DIAPH2: variants seen among roughly 807,000 people sequenced by gnomAD.
DIAPH2 encodes the protein diaphanous related formin 2.
Under a neutral mutation model 92.7 loss-of-function variants are expected in DIAPH2, and 35 were observed. That is an observed-to-expected ratio of 0.38 (90% CI 0.29 to 0.50). The LOEUF is 0.50. DIAPH2 is among the 20% of genes least tolerant of loss of function. DIAPH2 has a pLI of 0.94. For synonymous variants in DIAPH2, 301 were observed against 280.4 expected, an observed-to-expected ratio of 1.07 and a Z score of -0.73; for missense variants, 701 against 819.5, an observed-to-expected ratio of 0.86 and a Z score of 1.77.
intron 25 of DIAPH2, among the ~76,000 whole-genome samples, chrX:97,410,143 G>A (rs970129876): frequency 2.6e-4 from 29 of 111,811 alleles, no homozygotes; most frequent in Admixed American, 4.7e-4. Flanking sequence ...TCATACAGGC[G>A]AGTGACCCTC....
chrX:97,132,454 A>G (rs2067144173), intron 21 of DIAPH2, among the ~76,000 whole-genome samples: 1 of 112,043 alleles, frequency 8.9e-6, no homozygotes, highest in Non-Finnish European at 1.9e-5. Context: ...GGTAATTGCA[A>G]TCTTTAAAAA....
intron 26 of DIAPH2, among the ~76,000 whole-genome samples, chrX:97,525,306 A>G (rs145329493): frequency 7.5e-4 from 84 of 111,977 alleles, no homozygotes; most frequent in African/African-American, 2.7e-3. Flanking sequence ...GCATTCTTTT[A>G]TAATTTTGCC....
At chrX:97,222,500 G>C (rs755661066) in intron 22 of DIAPH2, among the ~76,000 whole-genome samples, 1 of 111,502 alleles carries the variant, frequency 9.0e-6, no homozygotes, top group African/African-American at 3.3e-5. Flanking sequence ...CACCATGCCT[G>C]GCCCAAGTCT....
In DIAPH2 at chrX:96,789,839, C is replaced by A. The variant is rs747761984; in HGVS notation, c.447+31581C>A. Among the ~76,000 whole-genome samples the A allele has an allele frequency of 3.6e-5, 4 of 111,155 alleles. No individual in the cohort carries two copies. In the East Asian group the frequency reaches 1.1e-3, roughly 32 times the overall value. On this transcript the variant is annotated intron_variant, in intron 4 of 26. Coordinates refer to ENST00000324765, the MANE Select transcript of DIAPH2 (RefSeq NM_006729.5). ...TGCAAATACAGTATCTAGGCATATT[C>A]TCTGTTGATTCCTGGTTTCAGGTAG...
At chrX:96,993,765 G>A (rs1455051719) in intron 17 of DIAPH2, among the ~76,000 whole-genome samples, 29 of 111,807 alleles carry the variant, frequency 2.6e-4, no homozygotes, top group Non-Finnish European at 3.8e-5. Flanking sequence ...GAGGCATGGA[G>A]GAATAATATT....
chrX:97,312,460 C>G (rs1328016127), intron 23 of DIAPH2, among the ~76,000 whole-genome samples: 2 of 99,266 alleles, frequency 2.0e-5, no homozygotes, highest in Non-Finnish European at 4.0e-5. Context: ...AGAGATTCTC[C>G]TGCCTCAGCC....
At chrX:97,419,736 A>G (rs2069987822) in intron 25 of DIAPH2, among the ~76,000 whole-genome samples, 2 of 112,024 alleles carry the variant, frequency 1.8e-5, no homozygotes, top group Non-Finnish European at 3.8e-5. Flanking sequence ...TGCCTGCCAT[A>G]TAGTCAGCAT....
intron 1 of DIAPH2, among the ~76,000 whole-genome samples, chrX:96,717,532 T>C (rs1259918282): frequency 1.0e-5 from 1 of 95,884 alleles, no homozygotes; most frequent in Non-Finnish European, 2.1e-5. Flanking sequence ...TTATACCAGG[T>C]GATTTTTTTT....
intron 12 of DIAPH2, among the ~76,000 whole-genome samples, chrX:96,940,560 A>G (rs1447579721): frequency 8.9e-6 from 1 of 112,055 alleles, no homozygotes; most frequent in Non-Finnish European, 1.9e-5. Context: ...AAGGAAAGCT[A>G]CCATGAGGTC....
chrX:96,965,181 C>T lies in DIAPH2; in HGVS notation c.2024C>T (p.Ala675Val). ...FENPDLFAKL[A>V]LNFATQIKVQ... ...AATCCAGATCTCTTTGCCAAATTGGCATTGAATTTTGCTACTCAGATAAAA... is the reference window on the plus strand; with the variant it reads ...AATCCAGATCTCTTTGCCAAATTGGTATTGAATTTTGCTACTCAGATAAAA... The change falls in exon 17 of 27, where the codon GCA (alanine) becomes GTA (valine). Residue 675 changes from alanine to valine, a missense_variant. Ala to Val is a moderately conservative substitution (Grantham distance 64). Coordinates refer to ENST00000324765, the MANE Select transcript of DIAPH2 (RefSeq NM_006729.5). 8.4e-7 allele frequency: 1 copy of T among 1,191,674 alleles called. No individual in the cohort carries two copies. Among genetic ancestry groups the T allele is most frequent in the Non-Finnish European group, 1.1e-6 (1 of 884,812 alleles).
intron 26 of DIAPH2, among the ~76,000 whole-genome samples, chrX:97,493,575 T>A (rs1246344471): frequency 1.8e-5 from 2 of 111,326 alleles, no homozygotes; most frequent in Non-Finnish European, 3.8e-5. Flanking sequence ...TATTTTTTTT[T>A]AAATAATTTC....
chrX:97,269,529 A>C (rs1338791182), intron 23 of DIAPH2, among the ~76,000 whole-genome samples: 1 of 111,866 alleles, frequency 8.9e-6, no homozygotes. Flanking sequence ...AAATCATTTA[A>C]TCCTGTTCAT....
intron 4 of DIAPH2, among the ~76,000 whole-genome samples, chrX:96,810,650 A>G (rs2064671028): frequency 9.0e-6 from 1 of 111,404 alleles, no homozygotes; most frequent in South Asian, 3.8e-4. Context: ...TTATGGTTTT[A>G]GGTCTAACGT....
At chrX:97,569,807 A>G (rs1013774333) in intron 26 of DIAPH2, among the ~76,000 whole-genome samples, 5 of 108,088 alleles carry the variant, frequency 4.6e-5, no homozygotes, top group Non-Finnish European at 7.7e-5. Flanking sequence ...TAATTATATT[A>G]TTATCCAATA....
intron 23 of DIAPH2, among the ~76,000 whole-genome samples, chrX:97,321,801 G>A (rs1312576962): frequency 1.4e-4 from 15 of 110,485 alleles, no homozygotes; most frequent in African/African-American, 4.6e-4. Context: ...CGCCCGCCTC[G>A]GCCTCCCAAA....
chrX:97,391,990 T>G (rs970242450), intron 25 of DIAPH2, among the ~76,000 whole-genome samples: 28 of 111,685 alleles, frequency 2.5e-4, no homozygotes, highest in African/African-American at 8.8e-4. Context: ...GCAAATGCCA[T>G]GATAAGAAAC....
intron 26 of DIAPH2, among the ~76,000 whole-genome samples, chrX:97,506,570 T>G (rs971288671): frequency 9.1e-5 from 10 of 109,412 alleles, no homozygotes; most frequent in Non-Finnish European, 1.9e-4. Context: ...CGATTACATA[T>G]TTATCCATGA....
Position 96,962,300 on chromosome X carries a change from CATATATATATACATATATATAT to C in DIAPH2, c.1936-2791_1936-2770del, listed in dbSNP as rs1569436412. ...ATATATATATACATATATATATATA[CATATATATATACATATATATAT>C]ACACATATATATATACATATATATA... On this transcript the variant is annotated intron_variant, in intron 16 of 26. Transcript: ENST00000324765. 7.4e-4 allele frequency among the ~76,000 whole-genome samples: 45 copies of C among 61,164 alleles called. 1 individual carries two copies. Among genetic ancestry groups the C allele is most frequent in the African/African-American group, 3.2e-3 (40 of 12,680 alleles). 53.1% of individuals were successfully genotyped at this position (61,164 alleles called of 115,157 possible).
intron 25 of DIAPH2, among the ~76,000 whole-genome samples, chrX:97,393,710 T>C (rs1240413232): frequency 8.9e-6 from 1 of 112,012 alleles, no homozygotes; most frequent in Non-Finnish European, 1.9e-5. Context: ...TAAATCTCTT[T>C]CTTTTCATGT....
Sources: allele counts gnomAD v4.1 joint callset (sites outside exome capture counted in the v4.1 genomes callset), GRCh38; gene constraint gnomAD v4.1.1; transcripts MANE v1.5; gene names NCBI Gene and HGNC (gene_info 2026-07-23, HGNC 2026-07-21).